Variants in ZCCHC7 observed in about 807,000 individuals in gnomAD.
ZCCHC7 encodes the protein zinc finger CCHC domain-containing protein 7.
In ZCCHC7, 35 loss-of-function variants were observed where a neutral mutation model predicts 52.0. The observed-to-expected ratio is 0.67, with a 90% CI of 0.51 to 0.89. ZCCHC7 has a LOEUF of 0.89. Ranked by LOEUF, ZCCHC7 falls within the 40% of genes least tolerant of loss-of-function variation. ZCCHC7 has a pLI of 0.00. For missense variants in ZCCHC7, 574 were observed against 649.1 expected, an observed-to-expected ratio of 0.88 and a Z score of 1.26; for synonymous variants, 217 against 221.5, an observed-to-expected ratio of 0.98 and a Z score of 0.18.
intron 2 of ZCCHC7, among the ~76,000 whole-genome samples, chr9:37,146,001 G>A (rs1052528957): frequency 5.9e-5 from 9 of 151,822 alleles, no homozygotes; most frequent in African/African-American, 1.9e-4. Context: ...ATACCTGTAG[G>A]CTGATTCAGA....
chr9:37,165,913 T>C (rs1057180347), intron 2 of ZCCHC7, among the ~76,000 whole-genome samples: 2 of 152,234 alleles, frequency 1.3e-5, no homozygotes, highest in African/African-American at 4.8e-5. Flanking sequence ...AATGTTAACA[T>C]CACCTTTAGG....
intron 2 of ZCCHC7, among the ~76,000 whole-genome samples, chr9:37,212,870 G>C (rs1824313912): frequency 6.6e-6 from 1 of 151,066 alleles, no homozygotes. Flanking sequence ...ATGCACAGTA[G>C]TTTTGGGGTC....
intron 5 of ZCCHC7, chr9:37,322,200 A>C (rs1234573362): frequency 6.6e-6 from 1 of 152,144 alleles, no homozygotes; most frequent in Admixed American, 6.5e-5. Context: ...GATGGTTCCC[A>C]GAATTATAGG....
chr9:37,285,398 C>T (rs1392073380), intron 2 of ZCCHC7, among the ~76,000 whole-genome samples: 5 of 152,012 alleles, frequency 3.3e-5, no homozygotes, highest in African/African-American at 1.2e-4. Flanking sequence ...AATTATTTCT[C>T]TTTCTCATTT....
chr9:37,295,317 A>G (rs996594043), intron 2 of ZCCHC7, among the ~76,000 whole-genome samples: 8 of 152,214 alleles, frequency 5.3e-5, no homozygotes, highest in Non-Finnish European at 2.9e-5. Flanking sequence ...AGCAAGAGAA[A>G]CAAGTAAAGG....
At chr9:37,300,339 A>G (rs1429125438) in intron 2 of ZCCHC7, among the ~76,000 whole-genome samples, 2 of 152,256 alleles carry the variant, frequency 1.3e-5, no homozygotes, top group Non-Finnish European at 2.9e-5. Flanking sequence ...ACATTGAGAT[A>G]CAAAAAGCAG....
At chr9:37,150,347 A>G (rs191641486) in intron 2 of ZCCHC7, among the ~76,000 whole-genome samples, 1 of 152,356 alleles carries the variant, frequency 6.6e-6, no homozygotes, top group East Asian at 1.9e-4. Flanking sequence ...CTAACTATAT[A>G]TATGTGGAAG....
At chr9:37,235,253 C>T (rs761805473) in intron 2 of ZCCHC7, among the ~76,000 whole-genome samples, 9 of 152,184 alleles carry the variant, frequency 5.9e-5, no homozygotes, top group Non-Finnish European at 1.3e-4. Context: ...ACTAACCTCT[C>T]TCCATCCAGT....
intron 6 of ZCCHC7, among the ~76,000 whole-genome samples, chr9:37,339,928 G>A (rs1407037447): frequency 6.6e-6 from 1 of 152,176 alleles, no homozygotes; most frequent in East Asian, 1.9e-4. Flanking sequence ...CACAGAGGGA[G>A]ATGCCCAGCA....
At chr9:37,243,174 T>C (rs1231943987) in intron 2 of ZCCHC7, among the ~76,000 whole-genome samples, 1 of 151,840 alleles carries the variant, frequency 6.6e-6, no homozygotes, top group East Asian at 1.9e-4. Flanking sequence ...ACATCCAAAT[T>C]AATACAGCTT....
intron 5 of ZCCHC7, among the ~76,000 whole-genome samples, chr9:37,314,049 C>T (rs140311754): frequency 5.3e-4 from 80 of 152,318 alleles, no homozygotes; most frequent in African/African-American, 1.9e-3. Flanking sequence ...TTTCAACTCT[C>T]CGTATAGTAC....
At chr9:37,345,316 G>A (rs75095537) in intron 6 of ZCCHC7, among the ~76,000 whole-genome samples, 7,855 of 152,228 alleles carry the variant, frequency 0.052, 659 homozygotes, top group African/African-American at 0.18. Context: ...TAATATAGCT[G>A]TCTTTGTGGG....
intron 2 of ZCCHC7, among the ~76,000 whole-genome samples, chr9:37,189,372 C>T (rs1822895349): frequency 6.6e-6 from 1 of 152,008 alleles, no homozygotes; most frequent in Admixed American, 6.5e-5. Context: ...TGGTTTAATG[C>T]TGTGATGAAT....
At chr9:37,318,580 A>T (rs1253236748) in intron 5 of ZCCHC7, among the ~76,000 whole-genome samples, 1 of 152,104 alleles carries the variant, frequency 6.6e-6, no homozygotes, top group Non-Finnish European at 1.5e-5. Flanking sequence ...ACTTCTATAT[A>T]TATGTGTGTG....
At chr9:37,200,147 T>A (rs1342266632) in intron 2 of ZCCHC7, among the ~76,000 whole-genome samples, 1 of 152,212 alleles carries the variant, frequency 6.6e-6, no homozygotes, top group African/African-American at 2.4e-5. Context: ...GTGTTTTCTC[T>A]GTTACTTTGT....
intron 5 of ZCCHC7, among the ~76,000 whole-genome samples, chr9:37,319,578 G>C (rs116085257): frequency 0.051 from 7,728 of 152,036 alleles, 646 homozygotes; most frequent in African/African-American, 0.17. Flanking sequence ...CAGGCACGTG[G>C]CACCATGCTC....
At chr9:37,198,267 A>G (rs1360265194) in intron 2 of ZCCHC7, among the ~76,000 whole-genome samples, 3 of 152,190 alleles carry the variant, frequency 2.0e-5, no homozygotes, top group South Asian at 2.1e-4. Flanking sequence ...CACTTGTTCT[A>G]TGGAGTCTTT....
intron 7 of ZCCHC7, among the ~76,000 whole-genome samples, chr9:37,350,920 T>C (rs914796374): frequency 3.3e-5 from 5 of 152,174 alleles, no homozygotes; most frequent in African/African-American, 9.7e-5. Flanking sequence ...TCAAACCAGA[T>C]CTGGTGTCAG....
chr9:37,192,862 A>G (rs1294756532), intron 2 of ZCCHC7, among the ~76,000 whole-genome samples: 1 of 152,152 alleles, frequency 6.6e-6, no homozygotes, highest in Non-Finnish European at 1.5e-5. Context: ...ATACATTGGG[A>G]TTATTCTTTA....
Sources: gnomAD v4.1 joint callset for allele counts (sites outside exome capture counted in the v4.1 genomes callset) on GRCh38, gnomAD v4.1.1 for gene constraint, MANE v1.5 for transcripts, NCBI Gene and HGNC (gene_info 2026-07-23, HGNC 2026-07-21) for gene names.